Variants in PTPRN2 observed in about 807,000 individuals in gnomAD.
The protein encoded by PTPRN2 is receptor-type tyrosine-protein phosphatase N2.
Under a neutral mutation model 118.8 loss-of-function variants are expected in PTPRN2, and 74 were observed. The ratio of observed to expected loss-of-function variants is 0.62; its 90% confidence interval spans 0.52 to 0.76. The LOEUF is 0.76. PTPRN2 is among the 30% of genes least tolerant of loss of function. PTPRN2 has a pLI of 0.00. For missense variants in PTPRN2, 1,481 were observed against 1,394.4 expected (o/e 1.06, Z -0.99); for synonymous variants, 641 against 608.0 (o/e 1.05, Z -0.80).
At chr7:158,061,231 CAG>C (rs1308055850) in intron 11 of PTPRN2, among the ~76,000 whole-genome samples, 3 of 152,250 alleles carry the variant, frequency 2.0e-5, no homozygotes, top group African/African-American at 7.2e-5. Context: ...CTGCTCCGCT[CAG>C]AGAGTGCGCG....
intron 6 of PTPRN2, among the ~76,000 whole-genome samples, chr7:158,163,060 G>A (rs1314817328): frequency 6.6e-6 from 1 of 152,204 alleles, no homozygotes; most frequent in Non-Finnish European, 1.5e-5. Flanking sequence ...CACATCTTCA[G>A]AAATCATTCG....
At chr7:158,152,654 C>T (rs11764094) in intron 6 of PTPRN2, among the ~76,000 whole-genome samples, 95,002 of 152,080 alleles carry the variant, frequency 0.62, 30,587 homozygotes, top group East Asian at 0.79. Flanking sequence ...CCACCAAATG[C>T]TGCATTTCCC....
intron 12 of PTPRN2, among the ~76,000 whole-genome samples, chr7:157,687,560 A>G (rs907741183): frequency 1.3e-5 from 2 of 152,168 alleles, no homozygotes; most frequent in African/African-American, 2.4e-5. Flanking sequence ...GCCTCATCCT[A>G]TCTTTGTGTG....
intron 3 of PTPRN2, among the ~76,000 whole-genome samples, chr7:158,235,448 A>G (rs1381558255): frequency 2.6e-5 from 4 of 152,248 alleles, no homozygotes; most frequent in African/African-American, 9.6e-5. Flanking sequence ...AGGCACCAAC[A>G]TGGGAAACTG....
rs560813402 is a variant in PTPRN2, at chr7:158,512,855, G to A, written c.113-23070C>T. On this transcript the variant is annotated intron_variant, in intron 1 of 22. Coordinates refer to ENST00000389418, the MANE Select transcript of PTPRN2 (RefSeq NM_002847.5). The stretch of plus-strand genomic sequence containing the variant: ...GTGTGAGGCCACGGAACGGGCTGCC[G>A]GCAGCCGAAGCTGGAACAATGTGAG... Among the ~76,000 whole-genome samples, 14 of 152,312 alleles carry A rather than the reference G, an allele frequency of 9.2e-5. No individual in the cohort carries two copies. The South Asian group carries it at 2.1e-3, about 23-fold the overall frequency.
chr7:157,663,670 T>C (rs1388768201), intron 13 of PTPRN2, among the ~76,000 whole-genome samples: 2 of 152,160 alleles, frequency 1.3e-5, no homozygotes, highest in African/African-American at 4.8e-5. Context: ...CTGGACACTC[T>C]TGGGAATCTC....
chr7:157,892,258 G>A (rs1209955982), intron 12 of PTPRN2, among the ~76,000 whole-genome samples: 1 of 152,222 alleles, frequency 6.6e-6, no homozygotes, highest in African/African-American at 2.4e-5. Flanking sequence ...TGAGAAGGTT[G>A]GAGCCATGGA....
At chr7:158,508,274 C>T (rs1822919666) in intron 1 of PTPRN2, among the ~76,000 whole-genome samples, 1 of 152,224 alleles carries the variant, frequency 6.6e-6, no homozygotes, top group African/African-American at 2.4e-5. Context: ...CATCCGAAAG[C>T]TTTCGATGGT....
intron 12 of PTPRN2, among the ~76,000 whole-genome samples, chr7:157,873,900 A>G (rs1275101282): frequency 1.3e-5 from 2 of 152,094 alleles, no homozygotes; most frequent in Non-Finnish European, 2.9e-5. Flanking sequence ...GAGGGGCTTC[A>G]GGGCACGGCA....
intron 12 of PTPRN2, among the ~76,000 whole-genome samples, chr7:157,790,856 G>A (rs549281557): frequency 6.6e-6 from 1 of 152,228 alleles, no homozygotes; most frequent in South Asian, 2.1e-4. Context: ...CTCTGCTCGG[G>A]TGAAGCTCAG....
chr7:158,431,231 TACACTGGGCTCACACTGGCTC>T (rs1378891880), intron 2 of PTPRN2, among the ~76,000 whole-genome samples: 34 of 143,598 alleles, frequency 2.4e-4, no homozygotes, highest in Non-Finnish European at 4.9e-4. Context: ...ACACTGGGTA[TACACTGGGCTCACACTGGCTC>T]ACACTGGGCT....
intron 12 of PTPRN2, among the ~76,000 whole-genome samples, chr7:157,686,419 G>A (rs1563344609): frequency 1.3e-5 from 2 of 152,118 alleles, no homozygotes; most frequent in Admixed American, 6.5e-5. Flanking sequence ...CCCTTTTTGT[G>A]GAGTTAAAAA....
chr7:157,721,997 G>A (rs1799264884), intron 12 of PTPRN2, among the ~76,000 whole-genome samples: 1 of 152,212 alleles, frequency 6.6e-6, no homozygotes, highest in Non-Finnish European at 1.5e-5. Flanking sequence ...CTGACATGTG[G>A]TGCTCGGCCG....
rs370853802 is a variant in PTPRN2 at position 158,151,289 on chromosome 7, C to T, written c.911-12774G>A. Among the ~76,000 whole-genome samples, 14 of 20,834 alleles carry T rather than the reference C, an allele frequency of 6.7e-4. 4 individuals are homozygous for T. The highest frequency in any genetic ancestry group is 6.4e-3 in the East Asian group (5 of 780). The allele number at this position is 20,834 out of a possible 152,430, so 13.7% of individuals were successfully genotyped here. A position where few individuals can be genotyped will look rare whatever the true frequency, so the allele number is the denominator to read the frequency against. On this transcript the variant is annotated intron_variant, in intron 6 of 22. Transcript: ENST00000389418. Reference sequence around the variant, plus strand: ...CCTGCCCACACCGCCCGCCTTTCTGCTCCTGCCTCTCCCTGCCCACACCGC... The same window carrying T: ...CCTGCCCACACCGCCCGCCTTTCTGTTCCTGCCTCTCCCTGCCCACACCGC...
At chr7:158,423,286 A>C (rs1020337318) in intron 2 of PTPRN2, among the ~76,000 whole-genome samples, 1 of 152,246 alleles carries the variant, frequency 6.6e-6, no homozygotes, top group Non-Finnish European at 1.5e-5. Flanking sequence ...GCAGCACGGC[A>C]GTGAAGGAAG....
chr7:158,096,503 A>G (rs1255270532), intron 10 of PTPRN2, among the ~76,000 whole-genome samples: 1 of 152,232 alleles, frequency 6.6e-6, no homozygotes, highest in Non-Finnish European at 1.5e-5. Flanking sequence ...CTCAAACAGA[A>G]TTATTATTTG....
intron 12 of PTPRN2, among the ~76,000 whole-genome samples, chr7:157,817,916 A>G (rs1200413963): frequency 1.3e-5 from 2 of 151,174 alleles, no homozygotes; most frequent in African/African-American, 4.9e-5. Context: ...TGTATGTATC[A>G]TGTGTGATGT....
intron 13 of PTPRN2, among the ~76,000 whole-genome samples, chr7:157,662,931 G>A (rs1004909096): frequency 9.9e-5 from 15 of 152,072 alleles, no homozygotes; most frequent in African/African-American, 2.9e-4. Context: ...CTAACCTCAC[G>A]GCTCAGCCAC....
intron 9 of PTPRN2, among the ~76,000 whole-genome samples, chr7:158,121,715 A>G (rs1372850726): frequency 6.6e-6 from 1 of 152,218 alleles, no homozygotes; most frequent in Non-Finnish European, 1.5e-5. Context: ...GAAGTCCACA[A>G]GCCCAGAATG....
Sources: allele counts gnomAD v4.1 joint callset (sites outside exome capture counted in the v4.1 genomes callset), GRCh38; gene constraint gnomAD v4.1.1; transcripts MANE v1.5; gene names NCBI Gene and HGNC (gene_info 2026-07-23, HGNC 2026-07-21).